PRH1: variants seen among roughly 807,000 people sequenced by gnomAD.
The protein encoded by PRH1 is proline rich protein HaeIII subfamily 1, also known as salivary acidic proline-rich phosphoprotein 1/2.
Under a neutral mutation model 7.9 loss-of-function variants are expected in PRH1, and 7 were observed. The observed-to-expected ratio is 0.89, with a 90% CI of 0.50 to 1.67. The LOEUF is 1.67. PRH1 is among the 40% of genes most tolerant of loss of function. The probability of loss-of-function intolerance (pLI) is 0.00; values close to 1 mark genes in which losing one functional copy is unlikely to be tolerated. For missense variants in PRH1, 109 were observed against 223.6 expected (o/e 0.49, Z 3.27); for synonymous variants, 45 against 80.8 (o/e 0.56, Z 2.38).
chr12:10,949,596 C>T (rs997965696), intron 2 of PRH1, among the ~76,000 whole-genome samples: 7 of 152,028 alleles, frequency 4.6e-5, no homozygotes, highest in African/African-American at 1.7e-4. Flanking sequence ...ATTATAATAC[C>T]ATTGTATCTA....
intron 1 of PRH1, among the ~76,000 whole-genome samples, chr12:11,040,767 A>G (rs1942674057): frequency 6.6e-6 from 1 of 152,224 alleles, no homozygotes. Context: ...AGATATTAAT[A>G]GTGAAAACAA....
At chr12:11,145,978 C>T (rs540600171) in intron 1 of PRH1, among the ~76,000 whole-genome samples, 122 of 152,078 alleles carry the variant, frequency 8.0e-4, no homozygotes, top group Non-Finnish European at 1.4e-3. Flanking sequence ...TTTTTAGAAA[C>T]GTTTCAGAAA....
chr12:10,919,907 C>CTTTT (rs34966041), intron 2 of PRH1, among the ~76,000 whole-genome samples: 6 of 145,488 alleles, frequency 4.1e-5, no homozygotes, highest in Non-Finnish European at 7.5e-5. Flanking sequence ...TTTTTTTAAT[C>CTTTT]TTTTTTTTTT....
At chr12:10,929,780 T>G (rs1367914820) in intron 2 of PRH1, among the ~76,000 whole-genome samples, 1 of 152,214 alleles carries the variant, frequency 6.6e-6, no homozygotes, top group Non-Finnish European at 1.5e-5. Flanking sequence ...CACTTGCCTC[T>G]GTCTACATAG....
intron 2 of PRH1, among the ~76,000 whole-genome samples, chr12:10,896,151 A>AT (rs1188319093): frequency 1.3e-5 from 2 of 152,218 alleles, no homozygotes; most frequent in Non-Finnish European, 2.9e-5. Context: ...TGTATTTTAC[A>AT]TGGAAAGTTC....
At chr12:11,138,848 G>A (rs532676190) in intron 1 of PRH1, among the ~76,000 whole-genome samples, 1 of 152,212 alleles carries the variant, frequency 6.6e-6, no homozygotes, top group East Asian at 1.9e-4. Context: ...AGACCAGCTT[G>A]GGCAACATGG....
intron 1 of PRH1, chr12:11,133,280 T>C (rs1464734058): frequency 6.3e-7 from 1 of 1,592,990 alleles, no homozygotes; most frequent in African/African-American, 1.4e-5. Flanking sequence ...CCAGTTTGTT[T>C]TCTGCTAGAA....
At chr12:10,965,158 A>G (rs1486196155) in intron 2 of PRH1, 2 of 1,455,810 alleles carry the variant, frequency 1.4e-6, no homozygotes, top group Admixed American at 1.8e-5. Flanking sequence ...TTGCATACCA[A>G]TGTAATAATA....
chr12:11,061,635 GC>G (rs1943608251), intron 1 of PRH1: 1 of 1,562,052 alleles, frequency 6.4e-7, no homozygotes, highest in African/African-American at 1.4e-5. Context: ...GGACCTTCAT[GC>G]TGGGATCTTG....
chr12:11,150,168 C>T (rs1412301751), intron 1 of PRH1, among the ~76,000 whole-genome samples: 4 of 151,698 alleles, frequency 2.6e-5, no homozygotes, highest in Non-Finnish European at 5.9e-5. Context: ...AGTCAGGAAA[C>T]AACAGGTGCT....
chr12:10,898,302 AG>A (rs1489636521), intron 2 of PRH1, among the ~76,000 whole-genome samples: 8 of 152,204 alleles, frequency 5.3e-5, no homozygotes, highest in African/African-American at 1.7e-4. Flanking sequence ...GAGGAGTCAA[AG>A]AAATGAATGA....
chr12:11,116,861 T>C (rs1396755822), downstream of PRH1, among the ~76,000 whole-genome samples: 2 of 152,122 alleles, frequency 1.3e-5, no homozygotes, highest in Admixed American at 6.5e-5. Flanking sequence ...AAGCATTTGA[T>C]AAGATTCAAC....
At chr12:11,037,748 A>G in intron 1 of PRH1, among the ~76,000 whole-genome samples, 1 of 152,252 alleles carries the variant, frequency 6.6e-6, no homozygotes, top group Non-Finnish European at 1.5e-5. Flanking sequence ...TTAATTTAAG[A>G]AAAGTTTTAG....
intron 1 of PRH1, among the ~76,000 whole-genome samples, chr12:11,143,972 G>C (rs543378075): frequency 6.6e-6 from 1 of 152,324 alleles, no homozygotes; most frequent in East Asian, 1.9e-4. Context: ...TTGGACACCA[G>C]TGCATGTTCC....
At chr12:11,068,714 T>G (rs1211035838) in intron 1 of PRH1, among the ~76,000 whole-genome samples, 1 of 152,220 alleles carries the variant, frequency 6.6e-6, no homozygotes, top group Admixed American at 6.5e-5. Context: ...TAATTCCATC[T>G]GTATATTTCT....
intron 1 of PRH1, chr12:10,986,785 A>T: frequency 1.9e-6 from 3 of 1,587,672 alleles, no homozygotes; most frequent in Non-Finnish European, 2.6e-6. Context: ...AGTGCTATGA[A>T]GCCATTGGCA....
chr12:11,143,330 G>A (rs941118898), intron 1 of PRH1, among the ~76,000 whole-genome samples: 2 of 152,018 alleles, frequency 1.3e-5, no homozygotes, highest in Admixed American at 1.3e-4. Flanking sequence ...AAGCCTCATA[G>A]TAATCGCAAA....
intron 2 of PRH1, chr12:10,909,166 C>G: frequency 6.2e-7 from 1 of 1,613,930 alleles, no homozygotes; most frequent in Non-Finnish European, 8.5e-7. Flanking sequence ...AGGAGTTTAT[C>G]GACTGAGGAC....
At chr12:11,134,139 C>A (rs575303769) in intron 1 of PRH1, 46 of 1,614,064 alleles carry the variant, frequency 2.8e-5, no homozygotes, top group East Asian at 8.9e-5. Context: ...TGTCTCTTGA[C>A]CCACTCAATG....
Sources: allele counts gnomAD v4.1 joint callset (sites outside exome capture counted in the v4.1 genomes callset), GRCh38; gene constraint gnomAD v4.1.1; transcripts MANE v1.5; gene names NCBI Gene and HGNC (gene_info 2026-07-23, HGNC 2026-07-21).